The following FARP1 variants were observed in gnomAD, a reference collection of about 807,000 sequenced individuals.
The protein encoded by FARP1 is FERM, ARH/RhoGEF and pleckstrin domain protein 1, also known as FERM, ARHGEF and pleckstrin domain-containing protein 1.
In FARP1, 52 loss-of-function variants were observed where a neutral mutation model predicts 128.8. That is an observed-to-expected ratio of 0.40 (90% CI 0.32 to 0.51). The LOEUF (loss-of-function observed/expected upper bound fraction) is 0.51, where lower values mean the gene tolerates loss of function less well. Ranked by LOEUF, FARP1 falls within the 20% of genes least tolerant of loss-of-function variation. The probability of loss-of-function intolerance (pLI) is 0.45; values close to 1 mark genes in which losing one functional copy is unlikely to be tolerated. For missense variants in FARP1, 1,333 were observed against 1,367.9 expected, an observed-to-expected ratio of 0.97 and a Z score of 0.40; for synonymous variants, 580 against 551.8, an observed-to-expected ratio of 1.05 and a Z score of -0.72.
In FARP1 at chr13:98,440,201, C is replaced by G. The variant is rs375920567; in HGVS notation, c.2595C>G (p.Ala865=). 2.6e-5 allele frequency: 42 copies of G among 1,613,906 alleles called. No homozygotes were observed. The African/African-American group carries it at 4.5e-4, about 17-fold the overall frequency. Residue 865 remains alanine (A), a synonymous_variant, in exon 23 of 27, where the codon GCC becomes GCG. Transcript: ENST00000319562. ...IDLAEKSSSP[A]PEFLASSPPD... ...TGGCGGAGAAGAGCAGCAGCCCCGCCCCTGAGTTCCTGGCCAGCAGCCCCC... is the reference window on the plus strand; with the variant it reads ...TGGCGGAGAAGAGCAGCAGCCCCGCGCCTGAGTTCCTGGCCAGCAGCCCCC...
chr13:98,437,094 C>G (rs775114443), intron 19 of FARP1, among the ~76,000 whole-genome samples: 2 of 152,108 alleles, frequency 1.3e-5, no homozygotes, highest in African/African-American at 4.8e-5. Flanking sequence ...GTGAAAATGA[C>G]ATAATACATA....
intron 2 of FARP1, among the ~76,000 whole-genome samples, chr13:98,235,989 A>G (rs1480665164): frequency 6.6e-6 from 1 of 151,770 alleles, no homozygotes; most frequent in Non-Finnish European, 1.5e-5. Flanking sequence ...ACACACAACT[A>G]ATTTTTGTAT....
chr13:98,199,584 G>A (rs7324767), intron 1 of FARP1, among the ~76,000 whole-genome samples: 4,840 of 152,266 alleles, frequency 0.032, 246 homozygotes, highest in African/African-American at 0.11. Context: ...GTAATTCACT[G>A]CATCCTCATT....
chr13:98,322,976 G>A (rs778283876), intron 2 of FARP1, among the ~76,000 whole-genome samples: 1 of 152,186 alleles, frequency 6.6e-6, no homozygotes, highest in Admixed American at 6.5e-5. Context: ...GTTTATGGTT[G>A]TGAATAAGCT....
chr13:98,170,781 C>T (rs1175444324), intron 1 of FARP1, among the ~76,000 whole-genome samples: 1 of 152,224 alleles, frequency 6.6e-6, no homozygotes, highest in Middle Eastern at 3.4e-3. Flanking sequence ...TGTGAGCCAC[C>T]GCGCCCGGCC....
At chr13:98,216,580 A>G (rs1881073085) in intron 2 of FARP1, among the ~76,000 whole-genome samples, 2 of 152,086 alleles carry the variant, frequency 1.3e-5, no homozygotes, top group Non-Finnish European at 2.9e-5. Context: ...TATTAATTTT[A>G]TTTTAAAATA....
chr13:98,245,671 T>C lies in FARP1; in HGVS notation c.171+32258T>C, dbSNP rs144190336. ...AACTATTCTTTAGAAGAAGAACTTG[T>C]TTTGTGTTACAAAGGTGTTACATGG... On this transcript the variant is annotated intron_variant, in intron 2 of 26. Transcript: ENST00000319562. 4.2e-3 allele frequency among the ~76,000 whole-genome samples: 634 copies of C among 152,356 alleles called. 2 individuals are homozygous for C. The highest frequency in any genetic ancestry group is 0.017 in the Middle Eastern group (5 of 294).
intron 2 of FARP1, among the ~76,000 whole-genome samples, chr13:98,336,238 G>A (rs1305940598): frequency 6.6e-6 from 1 of 152,102 alleles, no homozygotes; most frequent in African/African-American, 2.4e-5. Context: ...TGTTTCTGTT[G>A]TTGTTTTTGT....
At chr13:98,386,997 G>A (rs151182154) in intron 8 of FARP1, among the ~76,000 whole-genome samples, 1 of 152,246 alleles carries the variant, frequency 6.6e-6, no homozygotes, top group East Asian at 1.9e-4. Flanking sequence ...TAGCCTCTGA[G>A]TATCGGATAA....
intron 12 of FARP1, among the ~76,000 whole-genome samples, chr13:98,394,888 G>A (rs1890455877): frequency 6.6e-6 from 1 of 152,194 alleles, no homozygotes; most frequent in African/African-American, 2.4e-5. Flanking sequence ...TTGCAGCACT[G>A]CACTCCAGCC....
chr13:98,423,487 G>A (rs747166741), intron 16 of FARP1, among the ~76,000 whole-genome samples: 2 of 152,122 alleles, frequency 1.3e-5, no homozygotes, highest in Non-Finnish European at 2.9e-5. Flanking sequence ...TGAACAGTTG[G>A]TTTAAAGATA....
intron 2 of FARP1, among the ~76,000 whole-genome samples, chr13:98,276,773 A>G (rs753592142): frequency 5.3e-5 from 8 of 152,180 alleles, no homozygotes; most frequent in Non-Finnish European, 1.0e-4. Flanking sequence ...TAGAATATCC[A>G]TTGCTTTCCC....
At chr13:98,218,527 T>C (rs1168784575) in intron 2 of FARP1, among the ~76,000 whole-genome samples, 1 of 152,196 alleles carries the variant, frequency 6.6e-6, no homozygotes, top group Non-Finnish European at 1.5e-5. Flanking sequence ...AGACAGATGG[T>C]AAAATCTTTG....
chr13:98,172,236 TCTG>T (rs1426034510), intron 1 of FARP1, among the ~76,000 whole-genome samples: 1 of 151,944 alleles, frequency 6.6e-6, no homozygotes, highest in Non-Finnish European at 1.5e-5. Flanking sequence ...TGATTTCATT[TCTG>T]CTGCTCAGGG....
intron 1 of FARP1, among the ~76,000 whole-genome samples, chr13:98,154,785 G>T (rs9582197): frequency 1.3e-5 from 2 of 152,070 alleles, no homozygotes; most frequent in Non-Finnish European, 2.9e-5. Flanking sequence ...ATCTATGGCC[G>T]CATGACACAT....
chr13:98,418,111 A>C (rs1053320852), intron 16 of FARP1, among the ~76,000 whole-genome samples: 2 of 152,170 alleles, frequency 1.3e-5, no homozygotes, highest in Admixed American at 1.3e-4. Flanking sequence ...ATGCAGTGGT[A>C]TGATCATAGA....
At position 98,390,123 on chromosome 13, in the gene FARP1, G is replaced by T; in HGVS notation, c.1019+3G>T. On this transcript the variant is annotated splice_donor_region_variant and intron_variant, in intron 10 of 26. Transcript: ENST00000319562. ...CGGGGGTCATCATTTCGGTTCAGGT[G>T]AGGTCGCCACTTTGTGCCTCTGTTT... The T allele has an allele frequency of 6.2e-7, 1 of 1,612,520 alleles. No individual in the cohort carries two copies. Among genetic ancestry groups the T allele is most frequent in the Non-Finnish European group, 8.5e-7 (1 of 1,179,400 alleles).
chr13:98,311,599 G>A (rs1223031025), intron 2 of FARP1, among the ~76,000 whole-genome samples: 7 of 152,078 alleles, frequency 4.6e-5, no homozygotes, highest in Non-Finnish European at 1.0e-4. Flanking sequence ...ACGTGCACAC[G>A]TTGGGAAAGT....
intron 16 of FARP1, among the ~76,000 whole-genome samples, chr13:98,414,209 C>CA (rs1891294998): frequency 6.6e-6 from 1 of 152,188 alleles, no homozygotes; most frequent in Non-Finnish European, 1.5e-5. Context: ...AGTAGAGTAT[C>CA]TTTCTAAGAT....
Sources: gnomAD v4.1 joint callset for allele counts (sites outside exome capture counted in the v4.1 genomes callset) on GRCh38, gnomAD v4.1.1 for gene constraint, MANE v1.5 for transcripts, NCBI Gene and HGNC (gene_info 2026-07-23, HGNC 2026-07-21) for gene names.